The following PTPRD variants were observed in gnomAD, a reference collection of about 807,000 sequenced individuals.
PTPRD encodes protein tyrosine phosphatase receptor type D.
A neutral mutation model predicts 214.5 loss-of-function variants in PTPRD; 34 were observed. The observed-to-expected ratio is 0.16, with a 90% CI of 0.12 to 0.21. The LOEUF (loss-of-function observed/expected upper bound fraction) is 0.21. Ranked by LOEUF, PTPRD falls within the 10% of genes least tolerant of loss-of-function variation. The pLI is 1.00. For missense variants in PTPRD, 2,545 were observed against 2,398.7 expected (o/e 1.06, Z -1.27); for synonymous variants, 1,128 against 845.7 (o/e 1.33, Z -5.79).
At chr9:8,734,012 T>G (rs1234137801) in intron 11 of PTPRD, 66 bp from the exon 12 acceptor site, 1 of 643,980 alleles carries the variant, frequency 1.6e-6, no homozygotes. Flanking sequence ...TTCTTACTCT[T>G]TCCCCCCTGG....
intron 3 of PTPRD, among the ~76,000 whole-genome samples, chr9:10,064,904 T>C (rs1202451311): frequency 2.0e-5 from 3 of 151,992 alleles, no homozygotes; most frequent in African/African-American, 7.2e-5. Flanking sequence ...GTCTTACATA[T>C]TAAAGGAGAA....
chr9:8,805,592 T>C (rs1471305917), intron 11 of PTPRD, among the ~76,000 whole-genome samples: 1 of 151,804 alleles, frequency 6.6e-6, no homozygotes, highest in Admixed American at 6.5e-5. Flanking sequence ...ACAATTTTTA[T>C]TTTTTATTAT....
rs369512769 is a variant in PTPRD, at chr9:10,233,057, T to G, written c.-545+107906A>C. Reference sequence around the variant, plus strand: ...CTACAGTAGCATATGTGAAGCTCCTTGACTGTATTTAGTGAAATTTGTTGA... The same window carrying G: ...CTACAGTAGCATATGTGAAGCTCCTGGACTGTATTTAGTGAAATTTGTTGA... On this transcript the variant is annotated intron_variant, in intron 3 of 45. Transcript: ENST00000381196. Among the ~76,000 whole-genome samples, 18 of 152,130 alleles carry G rather than the reference T, an allele frequency of 1.2e-4. No homozygotes were observed. In the East Asian group the frequency reaches 3.3e-3, roughly 28 times the overall value.
intron 11 of PTPRD, among the ~76,000 whole-genome samples, chr9:8,807,091 A>G (rs1660382626): frequency 6.6e-6 from 1 of 152,042 alleles, no homozygotes; most frequent in African/African-American, 2.4e-5. Context: ...AATCCTAGCA[A>G]TTTGGGAGGC....
chr9:10,398,316 G>C (rs1004488847), intron 2 of PTPRD, among the ~76,000 whole-genome samples: 1 of 151,736 alleles, frequency 6.6e-6, no homozygotes, highest in African/African-American at 2.4e-5. Flanking sequence ...CGAAGTTCGA[G>C]GCTGTAGTGT....
At chr9:8,764,792 A>AAAT (rs1379977816) in intron 11 of PTPRD, among the ~76,000 whole-genome samples, 2 of 127,150 alleles carry the variant, frequency 1.6e-5, no homozygotes, top group East Asian at 2.2e-4. Flanking sequence ...GTTTGTCTCA[A>AAAT]AATAATAATA....
At chr9:9,986,290 C>T (rs1293950733) in intron 4 of PTPRD, among the ~76,000 whole-genome samples, 2 of 152,040 alleles carry the variant, frequency 1.3e-5, no homozygotes, top group Non-Finnish European at 2.9e-5. Context: ...GTGTAAACAT[C>T]ACTTTTGCAT....
At chr9:9,248,247 A>G (rs1356188140) in intron 9 of PTPRD, among the ~76,000 whole-genome samples, 1 of 151,646 alleles carries the variant, frequency 6.6e-6, no homozygotes, top group Non-Finnish European at 1.5e-5. Context: ...CGCCCACCAC[A>G]ATACTTGGCT....
chr9:10,372,217 C>G (rs2097640408), intron 2 of PTPRD, among the ~76,000 whole-genome samples: 1 of 152,100 alleles, frequency 6.6e-6, no homozygotes, highest in South Asian at 2.1e-4. Context: ...GACCTCCCTT[C>G]CTCTCCTTTA....
intron 44 of PTPRD, among the ~76,000 whole-genome samples, chr9:8,321,950 G>C (rs961787906): frequency 1.3e-5 from 2 of 152,008 alleles, no homozygotes; most frequent in African/African-American, 4.8e-5. Context: ...TTGTGTCTCT[G>C]TGTAGCAGTT....
chr9:9,529,837 A>G (rs1248746351), intron 8 of PTPRD, among the ~76,000 whole-genome samples: 1 of 151,572 alleles, frequency 6.6e-6, no homozygotes, highest in Non-Finnish European at 1.5e-5. Context: ...AAATATATTT[A>G]CACACACTAT....
chr9:10,332,062 T>C (rs568008648), intron 3 of PTPRD, among the ~76,000 whole-genome samples: 5 of 151,972 alleles, frequency 3.3e-5, no homozygotes, highest in African/African-American at 1.2e-4. Flanking sequence ...TATAATGCAT[T>C]TATTTTTTAC....
At chr9:9,883,670 C>G (rs904263747) in intron 5 of PTPRD, among the ~76,000 whole-genome samples, 7 of 152,074 alleles carry the variant, frequency 4.6e-5, no homozygotes, top group African/African-American at 1.7e-4. Flanking sequence ...TGGTGACATA[C>G]AACCACTGCC....
chr9:9,770,179 G>A (rs151128374), intron 5 of PTPRD, among the ~76,000 whole-genome samples: 179 of 152,220 alleles, frequency 1.2e-3, no homozygotes, highest in African/African-American at 3.9e-3. Flanking sequence ...TTGAGGAATC[G>A]CCACACTGTC....
chr9:9,790,835 T>C (rs1399799373), intron 5 of PTPRD, among the ~76,000 whole-genome samples: 1 of 150,572 alleles, frequency 6.6e-6, no homozygotes, highest in Non-Finnish European at 1.5e-5. Context: ...CAATAGGCAA[T>C]AAATATATTT....
intron 9 of PTPRD, among the ~76,000 whole-genome samples, chr9:9,368,006 G>C (rs954735943): frequency 1.3e-5 from 2 of 151,714 alleles, no homozygotes; most frequent in East Asian, 1.9e-4. Flanking sequence ...GCTCAGTCTG[G>C]CATGATTAAA....
chr9:9,218,983 G>A (rs920925265), intron 9 of PTPRD, among the ~76,000 whole-genome samples: 1 of 152,016 alleles, frequency 6.6e-6, no homozygotes, highest in South Asian at 2.1e-4. Context: ...AAAAGCATAA[G>A]CATCAATGAA....
chr9:10,501,617 A>T (rs1308670862), intron 2 of PTPRD, among the ~76,000 whole-genome samples: 2 of 152,166 alleles, frequency 1.3e-5, no homozygotes, highest in African/African-American at 2.4e-5. Flanking sequence ...TAAAACCATG[A>T]GAGAAAACAA....
At chr9:10,004,152 G>C (rs879916991) in intron 4 of PTPRD, among the ~76,000 whole-genome samples, 3 of 151,678 alleles carry the variant, frequency 2.0e-5, no homozygotes, top group African/African-American at 7.3e-5. Context: ...GACATAGAAA[G>C]GTTTTAAGTT....
Sources: gnomAD v4.1 joint callset for allele counts (sites outside exome capture counted in the v4.1 genomes callset) on GRCh38, gnomAD v4.1.1 for gene constraint, MANE v1.5 for transcripts, NCBI Gene and HGNC (gene_info 2026-07-23, HGNC 2026-07-21) for gene names.